Variants in SERINC5 observed in about 807,000 individuals in gnomAD.
SERINC5 encodes the protein chromosome 5 open reading frame 12.
Under a neutral mutation model 63.1 loss-of-function variants are expected in SERINC5, and 41 were observed. That is an observed-to-expected ratio of 0.65 (90% CI 0.51 to 0.84). The LOEUF (loss-of-function observed/expected upper bound fraction) is 0.84, where lower values mean the gene tolerates loss of function less well. Among genes scored for constraint, SERINC5 ranks in the 40% least tolerant of loss-of-function variants. The pLI, the probability that SERINC5 is intolerant of heterozygous loss-of-function variation, is 0.00. For synonymous variants in SERINC5, 222 were observed against 215.2 expected (o/e 1.03, Z -0.28); for missense variants, 523 against 573.0 (o/e 0.91, Z 0.89).
intron 7 of SERINC5, among the ~76,000 whole-genome samples, chr5:80,163,483 A>G (rs62364005): frequency 7.5e-4 from 113 of 150,618 alleles, no homozygotes; most frequent in Non-Finnish European, 1.5e-3. Context: ...ATCATATATG[A>G]CCTTTATTAT....
chr5:80,175,043 C>T lies in SERINC5; in HGVS notation c.462G>A (p.Trp154Ter). Residue 154 changes from tryptophan to a stop codon, truncating the protein, a stop_gained, in exon 5 of 12, where the codon TGG (tryptophan) becomes TGA (stop). Transcript: ENST00000507668. LOFTEE classifies it high-confidence loss of function. ...IPDQDTFLNA[W>*]RYVGAVGGFL... is the part of the protein sequence containing the mutation. ...AGCCTCCGACGGCTCCCACATAGCG[C>T]CAGGCTGCAAAAGACCATGAAGAAC... 6.3e-7 allele frequency: 1 copy of T among 1,587,392 alleles called. No individual in the cohort carries two copies. Among genetic ancestry groups the T allele is most frequent in the Non-Finnish European group, 8.6e-7 (1 of 1,165,836 alleles).
chr5:80,249,810 A>T (rs996939043), intron 1 of SERINC5, among the ~76,000 whole-genome samples: 1 of 151,422 alleles, frequency 6.6e-6, no homozygotes, highest in Non-Finnish European at 1.5e-5. Flanking sequence ...TCTCAAAAAT[A>T]AAAAAAAATA....
intron 2 of SERINC5, among the ~76,000 whole-genome samples, chr5:80,178,932 T>C (rs1487306407): frequency 2.0e-5 from 3 of 152,136 alleles, no homozygotes; most frequent in Admixed American, 2.0e-4. Flanking sequence ...ATACTATGCA[T>C]ATAATAAATA....
chr5:80,185,593 G>A (rs866436498), intron 2 of SERINC5, among the ~76,000 whole-genome samples: 3 of 152,102 alleles, frequency 2.0e-5, no homozygotes, highest in East Asian at 1.9e-4. Flanking sequence ...GGCTGAGTCC[G>A]AAAAGAGAGT....
intron 11 of SERINC5, among the ~76,000 whole-genome samples, chr5:80,127,482 C>T (rs1744789011): frequency 1.3e-5 from 2 of 152,198 alleles, no homozygotes; most frequent in South Asian, 4.1e-4. Flanking sequence ...TTGTAAGCCA[C>T]TGAGGGTTTT....
At position 80,140,283 on chromosome 5, in the gene SERINC5, G is replaced by A; in HGVS notation, c.*3380C>T. On this transcript the variant is annotated 3_prime_UTR_variant, in exon 12 of 12. Coordinates refer to ENST00000507668, the MANE Select transcript of SERINC5 (RefSeq NM_001174072.3). ...GATCATGTCACTGCACTCCAGCGTGGCTGACAGAGTGAGCCCGTCTCCAAA... is the reference window on the plus strand; with the variant it reads ...GATCATGTCACTGCACTCCAGCGTGACTGACAGAGTGAGCCCGTCTCCAAA... 1.1e-6 allele frequency: 1 copy of A among 950,656 alleles called. No homozygotes were observed. The highest frequency in any genetic ancestry group is 4.9e-5 in the South Asian group (1 of 20,248). 58.9% of individuals were successfully genotyped at this position (950,656 alleles called of 1,614,324 possible). A position where few individuals can be genotyped will look rare whatever the true frequency, so the allele number is the denominator to read the frequency against.
chr5:80,174,953 C>T lies in SERINC5; in HGVS notation c.551+1G>A. The T allele has an allele frequency of 6.3e-7, 1 of 1,590,872 alleles. No individual in the cohort carries two copies. The highest frequency in any genetic ancestry group is 8.6e-7 in the Non-Finnish European group (1 of 1,167,316). On this transcript the variant is annotated splice_donor_variant, in intron 5 of 11. Coordinates refer to ENST00000507668, the MANE Select transcript of SERINC5 (RefSeq NM_001174072.3). LOFTEE classifies it high-confidence loss of function. ...GGGAAGCTTTCCATAAAGGCACACA[C>T]CAGTTCTTGTTCCACTTATGTGCAA... is the stretch of plus-strand genomic sequence containing the variant.
chr5:80,135,340 C>T (rs552023453), downstream of SERINC5, among the ~76,000 whole-genome samples: 8 of 152,224 alleles, frequency 5.3e-5, no homozygotes, highest in South Asian at 1.0e-3. Context: ...GGCCCAATCA[C>T]GCTTTTTCAA....
intron 1 of SERINC5, among the ~76,000 whole-genome samples, chr5:80,239,718 C>CT (rs1751866551): frequency 6.6e-6 from 1 of 152,130 alleles, no homozygotes; most frequent in Non-Finnish European, 1.5e-5. Context: ...AGCTGTATCC[C>CT]TCCCCAGGAT....
intron 1 of SERINC5, among the ~76,000 whole-genome samples, chr5:80,219,024 G>T (rs1750788815): frequency 6.6e-6 from 1 of 152,136 alleles, no homozygotes; most frequent in Non-Finnish European, 1.5e-5. Context: ...AATAAAAGAT[G>T]ATTATTTCAA....
intron 11 of SERINC5, among the ~76,000 whole-genome samples, chr5:80,120,919 C>G (rs1441777312): frequency 6.6e-6 from 1 of 151,974 alleles, no homozygotes; most frequent in Non-Finnish European, 1.5e-5. Context: ...CAGAATTTCG[C>G]TCTTGTTGTC....
intron 7 of SERINC5, 62 bp downstream of exon 7, chr5:80,166,321 C>G (rs1420256798): frequency 1.8e-6 from 2 of 1,115,808 alleles, no homozygotes; most frequent in Non-Finnish European, 2.7e-6. Flanking sequence ...AACAATAGCT[C>G]ATTCCTCCAT....
chr5:80,169,668 G>A (rs1401434713), intron 5 of SERINC5, 122 bp from the exon 6 acceptor site: 2 of 684,846 alleles, frequency 2.9e-6, no homozygotes, highest in Admixed American at 2.5e-5. Flanking sequence ...ACAGGCACTG[G>A]TACCCAGCTG....
chr5:80,112,008 G>A (rs1465490509), intron 12 of SERINC5, among the ~76,000 whole-genome samples: 2 of 152,204 alleles, frequency 1.3e-5, no homozygotes, highest in Non-Finnish European at 2.9e-5. Context: ...GATGCACTGC[G>A]GAAAGCCGCA....
At chr5:80,114,323 A>G (rs566503064) in intron 11 of SERINC5, among the ~76,000 whole-genome samples, 1 of 152,148 alleles carries the variant, frequency 6.6e-6, no homozygotes, top group South Asian at 2.1e-4. Flanking sequence ...AGGCAGCAGA[A>G]GAGAAAGAGC....
chr5:80,147,343 A>C, intron 9 of SERINC5, 59 bp from the exon 10 acceptor site: 1 of 1,556,692 alleles, frequency 6.4e-7, no homozygotes. Context: ...CCACCTCAGC[A>C]AGACAACAGT....
At chr5:80,145,027 T>C (rs568271478) in intron 11 of SERINC5, among the ~76,000 whole-genome samples, 19 of 150,084 alleles carry the variant, frequency 1.3e-4, no homozygotes, top group Non-Finnish European at 2.5e-4. Flanking sequence ...GGGGAAAACA[T>C]GTATAATGAC....
At chr5:80,170,868 GT>G (rs1747605281) in intron 5 of SERINC5, among the ~76,000 whole-genome samples, 1 of 152,124 alleles carries the variant, frequency 6.6e-6, no homozygotes, top group Non-Finnish European at 1.5e-5. Context: ...TTAGCAGCAT[GT>G]TGTGGTGCAA....
intron 1 of SERINC5, among the ~76,000 whole-genome samples, chr5:80,207,569 T>TAAA (rs1467260038): frequency 2.0e-5 from 3 of 152,202 alleles, no homozygotes; most frequent in Non-Finnish European, 2.9e-5. Flanking sequence ...CCTATTGGTT[T>TAAA]AACCCTATTC....
Sources: allele counts gnomAD v4.1 joint callset (sites outside exome capture counted in the v4.1 genomes callset), GRCh38; gene constraint gnomAD v4.1.1; transcripts MANE v1.5; gene names NCBI Gene and HGNC (gene_info 2026-07-23, HGNC 2026-07-21).